The following SRRM3 variants were observed in gnomAD, a reference collection of about 807,000 sequenced individuals.
The protein encoded by SRRM3 is serine/arginine repetitive matrix 3, also known as serine/arginine repetitive matrix protein 3.
SRRM3 carries 27 observed loss-of-function variants against 66.2 expected under a neutral mutation model. That is an observed-to-expected ratio of 0.41 (90% CI 0.30 to 0.56). The LOEUF (loss-of-function observed/expected upper bound fraction) is 0.56, where lower values mean the gene tolerates loss of function less well. Among genes scored for constraint, SRRM3 ranks in the 20% least tolerant of loss-of-function variants. The pLI, the probability that SRRM3 is intolerant of heterozygous loss-of-function variation, is 0.32. For missense variants in SRRM3, 918 were observed against 991.9 expected, an observed-to-expected ratio of 0.93 and a Z score of 1.00; for synonymous variants, 391 against 414.9, an observed-to-expected ratio of 0.94 and a Z score of 0.70.
chr7:76,259,833 G>GT lies in SRRM3; in HGVS notation c.336-73_336-72insT, dbSNP rs1554608254. The GT allele has an allele frequency of 1.3e-4, 204 of 1,591,502 alleles. No individual in the cohort carries two copies. In the East Asian group the frequency reaches 4.3e-3, roughly 33 times the overall value. Reference sequence around the variant, plus strand: ...CCGCAGACTTGCGGGGCTAGGTCAGGCCCCCTGCGCCGAGAAAAGGGGTGA... The same window carrying GT: ...CCGCAGACTTGCGGGGCTAGGTCAGGTCCCCCTGCGCCGAGAAAAGGGGTGA... On this transcript the variant is annotated intron_variant, in intron 3 of 14. Coordinates refer to ENST00000611745, the MANE Select transcript of SRRM3 (RefSeq NM_001110199.3).
In SRRM3 at chr7:76,281,797, GA is replaced by G; in HGVS notation, c.1368del (p.Lys456AsnfsTer143). On this transcript the variant is annotated frameshift_variant, in exon 12 of 15. Transcript: ENST00000611745. LOFTEE classifies it high-confidence loss of function. ...CTGAGCGAGGCCACGGCGGACACGGGAAACGGTGAGCGTGCTGGACCCGGAG... is the reference window on the plus strand; with the variant it reads ...CTGAGCGAGGCCACGGCGGACACGGGAACGGTGAGCGTGCTGGACCCGGAG... ...GSERGHGGHG[K>X]RAKERPPRAR... The G allele has an allele frequency of 1.5e-6, 2 of 1,379,170 alleles. No individual in the cohort carries two copies. Among genetic ancestry groups the G allele is most frequent in the Non-Finnish European group, 9.4e-7 (1 of 1,067,450 alleles). The allele number at this position is 1,379,170 out of a possible 1,614,324, so 85.4% of individuals were successfully genotyped here. A position where few individuals can be genotyped will look rare whatever the true frequency, so the allele number is the denominator to read the frequency against.
intron 1 of SRRM3, among the ~76,000 whole-genome samples, chr7:76,219,361 G>A (rs1554602951): frequency 6.6e-6 from 1 of 152,144 alleles, no homozygotes; most frequent in Non-Finnish European, 1.5e-5. Flanking sequence ...TTCTCACCTG[G>A]GCTGCATTAC....
chr7:76,263,817 G>C (rs900580769), intron 8 of SRRM3, among the ~76,000 whole-genome samples: 1 of 140,828 alleles, frequency 7.1e-6, no homozygotes, highest in Non-Finnish European at 1.5e-5. Context: ...AGGTTGCAGT[G>C]AGCTGAGATT....
chr7:76,204,695 G>GC (rs1401451898), intron 1 of SRRM3, among the ~76,000 whole-genome samples: 1 of 152,080 alleles, frequency 6.6e-6, no homozygotes, highest in African/African-American at 2.4e-5. Flanking sequence ...CTTCTTTCTG[G>GC]CCCTATCTCT....
intron 8 of SRRM3, among the ~76,000 whole-genome samples, chr7:76,264,324 G>A (rs146953660): frequency 0.011 from 1,679 of 151,996 alleles, 9 homozygotes; most frequent in Non-Finnish European, 0.018. Flanking sequence ...ACACCACCAC[G>A]CCTGGCTAAT....
intron 2 of SRRM3, among the ~76,000 whole-genome samples, chr7:76,246,009 T>C (rs1554606123): frequency 2.6e-5 from 4 of 152,062 alleles, no homozygotes; most frequent in African/African-American, 9.7e-5. Flanking sequence ...GTAGGTCTTA[T>C]TCATTCTATT....
chr7:76,257,093 C>T (rs187081936), intron 3 of SRRM3, among the ~76,000 whole-genome samples: 7 of 152,230 alleles, frequency 4.6e-5, no homozygotes, highest in African/African-American at 1.2e-4. Flanking sequence ...TCTCATCCTG[C>T]GACTCAGAAT....
chr7:76,212,555 G>A lies in SRRM3; in HGVS notation c.-40+10488G>A, dbSNP rs147073666. 9.0e-3 allele frequency among the ~76,000 whole-genome samples: 1,257 copies of A among 138,918 alleles called. 26 individuals are homozygous for A. The highest frequency in any genetic ancestry group is 0.031 in the African/African-American group (1,163 of 37,102). The allele number at this position is 138,918 out of a possible 152,430, so 91.1% of individuals were successfully genotyped here. A position where few individuals can be genotyped will look rare whatever the true frequency, so the allele number is the denominator to read the frequency against. On this transcript the variant is annotated intron_variant, in intron 1 of 14. Transcript: ENST00000611745. ...GCAATCTCTGCTCACTGCAACCTCC[G>A]CCTCCCAGGTTCAAGCGATTCTCCT...
chr7:76,261,300 G>GCCCCCCCCCC, intron 6 of SRRM3, 52 bp from the exon 7 acceptor site: 1 of 519,212 alleles, frequency 1.9e-6, no homozygotes. Context: ...GCCATTTCCA[G>GCCCCCCCCCC]CCCCCCACCC....
intron 1 of SRRM3, among the ~76,000 whole-genome samples, chr7:76,208,689 G>A (rs1268290510): frequency 1.3e-5 from 2 of 151,892 alleles, no homozygotes; most frequent in Non-Finnish European, 2.9e-5. Flanking sequence ...ACAAAAATTA[G>A]CCAGGCCTGG....
At chr7:76,281,127 T>C (rs116651594) in intron 11 of SRRM3, among the ~76,000 whole-genome samples, 2 of 150,314 alleles carry the variant, frequency 1.3e-5, no homozygotes, top group Non-Finnish European at 3.0e-5. Flanking sequence ...TCTCTTCCTC[T>C]TTCTCTTCTC....
rs1191826147 is a variant in SRRM3 at position 76,286,629 on chromosome 7, CAA to C, written c.*787_*788del. Reference sequence around the variant, plus strand: ...CCTACCAGCCATGACTACTGCATGACAAGAGGTGGGGGGTACAGACCTCAGGT... The same window carrying C: ...CCTACCAGCCATGACTACTGCATGACGAGGTGGGGGGTACAGACCTCAGGT... On this transcript the variant is annotated 3_prime_UTR_variant, in exon 15 of 15. Transcript: ENST00000611745. 1.3e-5 allele frequency: 2 copies of C among 152,392 alleles called. No homozygotes were observed. Among genetic ancestry groups the C allele is most frequent in the Non-Finnish European group, 2.9e-5 (2 of 68,184 alleles). The allele number at this position is 152,392 out of a possible 1,614,324, so 9.4% of individuals were successfully genotyped here. A position where few individuals can be genotyped will look rare whatever the true frequency, so the allele number is the denominator to read the frequency against.
chr7:76,251,157 C>T (rs1222198641), intron 3 of SRRM3, among the ~76,000 whole-genome samples: 2 of 152,106 alleles, frequency 1.3e-5, no homozygotes, highest in Non-Finnish European at 2.9e-5. Context: ...GCCCGACGCC[C>T]GTCCTCTGTG....
rs188582409 is a variant in SRRM3, at chr7:76,232,287, C to T, written c.-39-2741C>T. 2.5e-4 allele frequency among the ~76,000 whole-genome samples: 38 copies of T among 152,196 alleles called. No individual in the cohort carries two copies. In the East Asian group the frequency reaches 7.4e-3, roughly 29 times the overall value. On this transcript the variant is annotated intron_variant, in intron 1 of 14. Transcript: ENST00000611745. ...GTGGCTCATGCCTGTAATCCCAGCA[C>T]TTTGGGAGGGCAGATCGCCTGAGGT...
In SRRM3 at chr7:76,282,762, C is replaced by A. The variant is rs1438339678; in HGVS notation, c.1485C>A (p.His495Gln). The A allele has an allele frequency of 2.5e-5, 37 of 1,464,918 alleles. No homozygotes were observed. The highest frequency in any genetic ancestry group is 3.2e-5 in the Non-Finnish European group (36 of 1,114,364). 90.7% of individuals were successfully genotyped at this position (1,464,918 alleles called of 1,614,324 possible). A position where few individuals can be genotyped will look rare whatever the true frequency, so the allele number is the denominator to read the frequency against. ...GCTCGTCGCGCAGCCCCGGCCCGCA[C>A]CCCCGCTCCTGGAGCTCCAGCCGCT... ...GKSSSRSPGP[H>Q]PRSWSSSRSP... is the part of the protein sequence containing the mutation. Residue 495 changes from histidine to glutamine, a missense_variant, in exon 13 of 15, where the codon CAC becomes CAA. Physicochemically the swap from His to Gln is conservative, Grantham distance 24 (BLOSUM62 0). Transcript: ENST00000611745.
At chr7:76,272,962 C>T (rs996841018) in intron 11 of SRRM3, 3 of 152,258 alleles carry the variant, frequency 2.0e-5, no homozygotes, top group Non-Finnish European at 4.4e-5. Flanking sequence ...TCCTCCAGAT[C>T]GGCTCTGTGG....
At chr7:76,255,252 C>T (rs1801685852) in intron 3 of SRRM3, among the ~76,000 whole-genome samples, 1 of 145,896 alleles carries the variant, frequency 6.9e-6, no homozygotes, top group African/African-American at 2.5e-5. Context: ...TGGGTTCAAG[C>T]GATTCTCCTG....
intron 1 of SRRM3, 169 bp from the exon 2 acceptor site, chr7:76,234,859 T>C: frequency 1.8e-6 from 1 of 560,952 alleles, no homozygotes; most frequent in South Asian, 2.3e-5. Context: ...TGCCCTGAGG[T>C]GTGACCCAAA....
chr7:76,223,283 G>A (rs1322309599), intron 1 of SRRM3, among the ~76,000 whole-genome samples: 6 of 152,272 alleles, frequency 3.9e-5, no homozygotes, highest in Middle Eastern at 3.4e-3. Flanking sequence ...CCAGCCCCAC[G>A]CTCTTGGGCA....
Sources: allele counts gnomAD v4.1 joint callset (sites outside exome capture counted in the v4.1 genomes callset), GRCh38; gene constraint gnomAD v4.1.1; transcripts MANE v1.5; gene names NCBI Gene and HGNC (gene_info 2026-07-23, HGNC 2026-07-21).